CENPU: variants seen among roughly 807,000 people sequenced by gnomAD.
The protein encoded by CENPU is centromere protein U.
In CENPU, 46 loss-of-function variants were observed where a neutral mutation model predicts 56.7. The observed-to-expected ratio is 0.81, with a 90% confidence interval of 0.64 to 1.04. The LOEUF is 1.04. Among genes scored for constraint, CENPU ranks in the 50% least tolerant of loss-of-function variants. The pLI, the probability that CENPU is intolerant of heterozygous loss-of-function variation, is 0.00. For missense variants in CENPU, 510 were observed against 490.1 expected, an observed-to-expected ratio of 1.04 and a Z score of -0.38; for synonymous variants, 166 against 163.0, an observed-to-expected ratio of 1.02 and a Z score of -0.14.
rs140783012 is a variant in CENPU, at chr4:184,703,385, ACTGCCTCAGGT to A, written c.798-955_798-945del. 9.2e-3 allele frequency among the ~76,000 whole-genome samples: 1,408 copies of A among 152,236 alleles called. 14 individuals carry two copies. The highest frequency in any genetic ancestry group is 0.013 in the Non-Finnish European group (887 of 68,020). ...GAAACTATAAAGCTGACTCAAAGAA[ACTGCCTCAGGT>A]CTCTGTCACTGGGGAGAAGAGATCT... On this transcript the variant is annotated intron_variant, in intron 8 of 12. Coordinates refer to ENST00000281453, the MANE Select transcript of CENPU (RefSeq NM_024629.4).
chr4:184,707,692 T>C (rs926896864), intron 8 of CENPU, among the ~76,000 whole-genome samples: 1 of 152,180 alleles, frequency 6.6e-6, no homozygotes, highest in African/African-American at 2.4e-5. Context: ...GGTTTGGCCT[T>C]CTTCTATACA....
intron 3 of CENPU, 23 bp downstream of exon 3, chr4:184,728,895 G>A (rs1761544903): frequency 6.5e-7 from 1 of 1,534,398 alleles, no homozygotes; most frequent in Admixed American, 1.7e-5. Flanking sequence ...AGTTATGTTA[G>A]GATAAAGATT....
rs1281687134 is a variant in CENPU at position 184,716,559 on chromosome 4, T to C, written c.456A>G (p.Lys152=). 6.2e-6 allele frequency: 10 copies of C among 1,614,112 alleles called. No individual in the cohort carries two copies. In the South Asian group the frequency reaches 1.1e-4, roughly 18 times the overall value. The change falls in exon 6 of 13, where the codon AAA becomes AAG. Residue 152 remains lysine (K), a synonymous_variant. Coordinates refer to ENST00000281453, the MANE Select transcript of CENPU (RefSeq NM_024629.4). ...IEESDTRRKV[K]SAEKISTQRH... The stretch of plus-strand genomic sequence containing the variant: ...GTTGTGTACTTATTTTCTCTGCTGA[T>C]TTAACTTTTCTCCTTGTATCACTTT...
intron 7 of CENPU, among the ~76,000 whole-genome samples, chr4:184,712,665 T>G (rs1297769603): frequency 6.6e-6 from 1 of 152,242 alleles, no homozygotes; most frequent in Non-Finnish European, 1.5e-5. Flanking sequence ...CTTGCTTTAC[T>G]ACCTATCTAA....
chr4:184,717,326 G>C (rs910272122), intron 4 of CENPU, 130 bp from the exon 5 acceptor site: 10 of 671,946 alleles, frequency 1.5e-5, no homozygotes, highest in Non-Finnish European at 2.0e-5. Context: ...TCACATACAA[G>C]TCTGCCACCT....
chr4:184,721,204 T>C (rs940157934), intron 4 of CENPU, among the ~76,000 whole-genome samples: 4 of 152,118 alleles, frequency 2.6e-5, no homozygotes, highest in Non-Finnish European at 5.9e-5. Context: ...TAATGGGTTA[T>C]ATGGCAGTAC....
At chr4:184,722,042 G>A (rs1452588647) in intron 4 of CENPU, among the ~76,000 whole-genome samples, 1 of 152,130 alleles carries the variant, frequency 6.6e-6, no homozygotes, top group Non-Finnish European at 1.5e-5. Context: ...GAAATATCAA[G>A]TATCTTCTCT....
At chr4:184,714,294 T>C (rs1761018709) in intron 6 of CENPU, among the ~76,000 whole-genome samples, 2 of 152,102 alleles carry the variant, frequency 1.3e-5, no homozygotes, top group Non-Finnish European at 2.9e-5. Context: ...TGGAAAAAGA[T>C]AACAAATGGA....
In CENPU at chr4:184,717,149, AT is replaced by A; in HGVS notation, c.367del (p.Ile123LeufsTer35). 6.2e-7 allele frequency: 1 copy of A among 1,611,260 alleles called. No homozygotes were observed. The highest frequency in any genetic ancestry group is 1.3e-5 in the African/African-American group (1 of 74,946). On this transcript the variant is annotated frameshift_variant, in exon 5 of 13. Coordinates refer to ENST00000281453, the MANE Select transcript of CENPU (RefSeq NM_024629.4). LOFTEE classifies it high-confidence loss of function. ...ACTCCTACATACCTTTTTTGCACTA[AT>A]TTTTACAGATTCGATTTCACTTGCT... ...NEASEIESVK[I>X]SAKKPGRKLR... is the part of the protein sequence containing the mutation.
At chr4:184,708,222 CAAAAAAAAAAAA>C (rs11322939) in intron 8 of CENPU, among the ~76,000 whole-genome samples, 4 of 89,816 alleles carry the variant, frequency 4.5e-5, no homozygotes, top group South Asian at 4.1e-4. Flanking sequence ...GACTCCATCT[CAAAAAAAAAAAA>C]AAAAAAAAAA....
chr4:184,732,706 A>G (rs895004754), intron 1 of CENPU, among the ~76,000 whole-genome samples: 1 of 152,166 alleles, frequency 6.6e-6, no homozygotes, highest in Non-Finnish European at 1.5e-5. Context: ...GTGACAACCC[A>G]CAGGTAAAAT....
intron 7 of CENPU, among the ~76,000 whole-genome samples, chr4:184,711,591 T>C (rs1760927357): frequency 6.6e-6 from 1 of 152,192 alleles, no homozygotes; most frequent in Non-Finnish European, 1.5e-5. Context: ...CTATTTTAAA[T>C]TTATTCACAT....
chr4:184,694,522 G>A lies in CENPU; in HGVS notation c.*766C>T, dbSNP rs763369542. 17 of 1,608,014 alleles carry A rather than the reference G, an allele frequency of 1.1e-5. No individual in the cohort carries two copies. The highest frequency in any genetic ancestry group is 1.4e-5 in the Non-Finnish European group (17 of 1,176,880). On this transcript the variant is annotated 3_prime_UTR_variant, in exon 13 of 13. Coordinates refer to ENST00000281453, the MANE Select transcript of CENPU (RefSeq NM_024629.4). ...CTATCCCTTCACCACTGAAATAAAG[G>A]AAGAAGAGTTTACAACAGATGAAGC...
intron 4 of CENPU, among the ~76,000 whole-genome samples, chr4:184,724,190 C>A (rs1429153055): frequency 6.6e-6 from 1 of 151,898 alleles, no homozygotes; most frequent in Non-Finnish European, 1.5e-5. Flanking sequence ...GGCGTGAACC[C>A]GGGAGGTGGA....
At chr4:184,709,066 G>A (rs907581626) in intron 8 of CENPU, among the ~76,000 whole-genome samples, 1 of 151,988 alleles carries the variant, frequency 6.6e-6, no homozygotes, top group African/African-American at 2.4e-5. Flanking sequence ...AAGATATATC[G>A]ATATTACAAT....
chr4:184,725,933 G>A (rs1474359770), intron 3 of CENPU, among the ~76,000 whole-genome samples: 1 of 152,168 alleles, frequency 6.6e-6, no homozygotes, highest in Non-Finnish European at 1.5e-5. Flanking sequence ...ACTTAACGCA[G>A]GGGTAGAGAG....
At chr4:184,715,430 A>G (rs1482146877) in intron 6 of CENPU, among the ~76,000 whole-genome samples, 1 of 152,148 alleles carries the variant, frequency 6.6e-6, no homozygotes, top group Admixed American at 6.5e-5. Flanking sequence ...CTCCTGCTAC[A>G]ACCTTCTGAG....
chr4:184,710,118 A>G lies in CENPU; in HGVS notation c.751T>C (p.Leu251=), dbSNP rs199577611. 1 of 1,612,184 alleles carries G rather than the reference A, an allele frequency of 6.2e-7. No individual in the cohort carries two copies. The highest frequency in any genetic ancestry group is 8.5e-7 in the Non-Finnish European group (1 of 1,178,956). The change falls in exon 8 of 13, where the codon TTG becomes CTG. Residue 251 remains leucine (L), a synonymous_variant. Coordinates refer to ENST00000281453, the MANE Select transcript of CENPU (RefSeq NM_024629.4). The part of the protein sequence containing the change: ...EGMKTSDIKE[L]NIVLPEFEKT... The stretch of plus-strand genomic sequence containing the variant: ...TCAAATTCAGGCAAAACAATATTCA[A>G]CTCCTTGATGTCACTGGTTTTCATT...
chr4:184,709,499 A>G (rs868700000), intron 8 of CENPU, among the ~76,000 whole-genome samples: 6 of 152,080 alleles, frequency 3.9e-5, no homozygotes, highest in African/African-American at 1.4e-4. Context: ...AAAAAAAAAA[A>G]TCTGCCAAAT....
Sources: allele counts gnomAD v4.1 joint callset (sites outside exome capture counted in the v4.1 genomes callset), GRCh38; gene constraint gnomAD v4.1.1; transcripts MANE v1.5; gene names NCBI Gene and HGNC (gene_info 2026-07-23, HGNC 2026-07-21).